The following LRRC37A2 variants were observed in gnomAD, a reference collection of about 807,000 sequenced individuals.
The protein encoded by LRRC37A2 is leucine rich repeat containing 37 member A2.
Under a neutral mutation model 68.8 loss-of-function variants are expected in LRRC37A2, and 9 were observed. The ratio of observed to expected loss-of-function variants is 0.13; its 90% CI spans 0.08 to 0.23. The LOEUF is 0.23. Among genes scored for constraint, LRRC37A2 ranks in the 10% least tolerant of loss-of-function variants. The pLI, the probability that LRRC37A2 is intolerant of heterozygous loss-of-function variation, is 1.00. For synonymous variants in LRRC37A2, 63 were observed against 367.6 expected, an observed-to-expected ratio of 0.17 and a Z score of 9.48; for missense variants, 168 against 950.4, an observed-to-expected ratio of 0.18 and a Z score of 10.82.
chr17:46,818,868 C>T, the LRRC37A2 span: 1 of 535,688 alleles, frequency 1.9e-6, no homozygotes, highest in Non-Finnish European at 3.3e-6. Flanking sequence ...GCCCGGCCCA[C>T]AACTCGGGCT....
the LRRC37A2 span, among the ~76,000 whole-genome samples, chr17:46,926,274 G>A: frequency 6.6e-6 from 1 of 152,152 alleles, no homozygotes; most frequent in African/African-American, 2.4e-5. Flanking sequence ...TTTAAGTAAA[G>A]TTAACAACAA....
At chr17:46,780,209 A>G in the LRRC37A2 span, among the ~76,000 whole-genome samples, 1 of 152,172 alleles carries the variant, frequency 6.6e-6, no homozygotes, top group East Asian at 1.9e-4. Context: ...TTGGCCTCAG[A>G]TGCTGCCGTC....
the LRRC37A2 span, among the ~76,000 whole-genome samples, chr17:46,783,613 G>A: frequency 1.3e-5 from 2 of 152,192 alleles, no homozygotes; most frequent in Non-Finnish European, 2.9e-5. Flanking sequence ...TTCAGCCCCA[G>A]TAACCTCTGG....
chr17:46,930,936 T>C, the LRRC37A2 span: 1 of 632,814 alleles, frequency 1.6e-6, no homozygotes. Context: ...ATTTACGGCC[T>C]AACTTGAATT....
chr17:46,960,561 A>G, the LRRC37A2 span, among the ~76,000 whole-genome samples: 1 of 152,256 alleles, frequency 6.6e-6, no homozygotes, highest in Non-Finnish European at 1.5e-5. Flanking sequence ...ACTCTACATG[A>G]GGATTTATTT....
At chr17:46,922,836 C>G in the LRRC37A2 span, 1 of 350,826 alleles carries the variant, frequency 2.9e-6, no homozygotes, top group Admixed American at 4.4e-5. Context: ...CGGCAGAGAA[C>G]AGCAGATGAT....
chr17:46,875,966 T>G, the LRRC37A2 span, among the ~76,000 whole-genome samples: 5 of 151,696 alleles, frequency 3.3e-5, no homozygotes, highest in Non-Finnish European at 7.4e-5. Context: ...AATCATTGAG[T>G]TGGTGTGAAC....
At chr17:46,823,137 T>A in the LRRC37A2 span, among the ~76,000 whole-genome samples, 16 of 131,474 alleles carry the variant, frequency 1.2e-4, no homozygotes, top group South Asian at 2.2e-4. Flanking sequence ...ATTATATATA[T>A]TATATTATAT....
At chr17:46,872,763 G>C in the LRRC37A2 span, 2 of 1,603,656 alleles carry the variant, frequency 1.2e-6, no homozygotes, top group South Asian at 1.1e-5. Flanking sequence ...GGATGGGCCT[G>C]CTCAAGAGAG....
chr17:46,798,754 A>G, the LRRC37A2 span, among the ~76,000 whole-genome samples: 1 of 152,200 alleles, frequency 6.6e-6, no homozygotes, highest in African/African-American at 2.4e-5. Flanking sequence ...GAACCCCCAT[A>G]AAAATCCCTG....
intron 6 of LRRC37A2, among the ~76,000 whole-genome samples, chr17:46,534,428 G>GT (rs1328701765): frequency 6.7e-6 from 1 of 148,754 alleles, no homozygotes; most frequent in African/African-American, 2.6e-5. Flanking sequence ...TCAAGCATCT[G>GT]TTTAACAAAG....
the LRRC37A2 span, among the ~76,000 whole-genome samples, chr17:46,745,563 G>A: frequency 6.6e-6 from 1 of 152,200 alleles, no homozygotes; most frequent in South Asian, 2.1e-4. Flanking sequence ...TTAAAAGTCC[G>A]GCTTTCTGGA....
At chr17:46,833,060 T>C in the LRRC37A2 span, 1 of 348,794 alleles carries the variant, frequency 2.9e-6, no homozygotes, top group African/African-American at 2.1e-5. Flanking sequence ...GACTGCTGTG[T>C]CCCTGAAGAG....
the LRRC37A2 span, among the ~76,000 whole-genome samples, chr17:46,609,974 A>G: frequency 1.4e-5 from 2 of 143,740 alleles, no homozygotes; most frequent in Non-Finnish European, 3.1e-5. Flanking sequence ...GATTTGTGCC[A>G]CCAAGCCAGG....
At chr17:46,922,265 T>C in the LRRC37A2 span, among the ~76,000 whole-genome samples, 2 of 151,760 alleles carry the variant, frequency 1.3e-5, no homozygotes, top group South Asian at 2.1e-4. Flanking sequence ...TTCTCACTCA[T>C]AGGTGGGAAC....
At chr17:47,010,231 C>T in the LRRC37A2 span, among the ~76,000 whole-genome samples, 5 of 152,354 alleles carry the variant, frequency 3.3e-5, no homozygotes, top group Non-Finnish European at 5.9e-5. Flanking sequence ...CCTCTGGCCC[C>T]GCACACATGG....
the LRRC37A2 span, chr17:46,830,927 G>A: frequency 1.3e-5 from 5 of 396,530 alleles, no homozygotes; most frequent in Non-Finnish European, 1.8e-5. Context: ...TTCTAATAAA[G>A]AGAGAAAGTC....
the LRRC37A2 span, among the ~76,000 whole-genome samples, chr17:46,956,394 G>A: frequency 9.1e-5 from 13 of 142,806 alleles, no homozygotes; most frequent in African/African-American, 3.1e-4. Context: ...GGGTTCAAGC[G>A]ATTCTCCTGC....
chr17:46,994,413 T>C, the LRRC37A2 span, among the ~76,000 whole-genome samples: 3 of 149,056 alleles, frequency 2.0e-5, no homozygotes, highest in Non-Finnish European at 4.5e-5. Context: ...CTGGTGGGGG[T>C]TGGGAGTTGA....
Sources: allele counts gnomAD v4.1 joint callset (sites outside exome capture counted in the v4.1 genomes callset), GRCh38; gene constraint gnomAD v4.1.1; transcripts MANE v1.5; gene names NCBI Gene and HGNC (gene_info 2026-07-23, HGNC 2026-07-21).